The following ADAM12 variants were observed in gnomAD, a reference collection of about 807,000 sequenced individuals.
ADAM12 encodes ADAM metallopeptidase domain 12, also known as disintegrin and metalloproteinase domain-containing protein 12.
ADAM12 carries 70 observed loss-of-function variants against 106.4 expected under a neutral mutation model. The observed-to-expected ratio is 0.66, with a 90% CI of 0.54 to 0.80. The LOEUF is 0.80. Ranked by LOEUF, ADAM12 falls within the 30% of genes least tolerant of loss-of-function variation. The pLI is 0.00. For synonymous variants in ADAM12, 420 were observed against 433.5 expected (o/e 0.97, Z 0.39); for missense variants, 1,010 against 1,171.9 (o/e 0.86, Z 2.02).
At chr10:126,323,667 G>A (rs533868826) in intron 2 of ADAM12, among the ~76,000 whole-genome samples, 1 of 152,292 alleles carries the variant, frequency 6.6e-6, no homozygotes, top group Non-Finnish European at 1.5e-5. Flanking sequence ...GGCACAGGCT[G>A]GTTGGGAGAA....
At chr10:126,360,070 C>A (rs1855689433) in intron 1 of ADAM12, among the ~76,000 whole-genome samples, 1 of 152,166 alleles carries the variant, frequency 6.6e-6, no homozygotes, top group Non-Finnish European at 1.5e-5. Context: ...CACATTGGCA[C>A]CTTTTAGCCA....
intron 5 of ADAM12, among the ~76,000 whole-genome samples, chr10:126,119,562 A>G (rs1430961487): frequency 6.6e-6 from 1 of 152,250 alleles, no homozygotes; most frequent in Admixed American, 6.5e-5. Flanking sequence ...TCTGTGATAT[A>G]AAATATAGCA....
intron 3 of ADAM12, among the ~76,000 whole-genome samples, chr10:126,200,641 C>T (rs953071938): frequency 6.6e-6 from 1 of 152,138 alleles, no homozygotes; most frequent in Non-Finnish European, 1.5e-5. Context: ...AGCTCAGTTA[C>T]GGTGCCCAGT....
intron 2 of ADAM12, among the ~76,000 whole-genome samples, chr10:126,283,694 T>C (rs1225253323): frequency 6.6e-6 from 1 of 152,230 alleles, no homozygotes; most frequent in Non-Finnish European, 1.5e-5. Context: ...TTGTAGTTAT[T>C]TCTACATTCT....
At chr10:126,155,135 G>C (rs1956789932) in intron 4 of ADAM12, 92 bp downstream of exon 4, 1 of 1,374,090 alleles carries the variant, frequency 7.3e-7, no homozygotes, top group Admixed American at 1.8e-5. Flanking sequence ...AAGAATCTGG[G>C]CATGTGATTT....
In ADAM12 at chr10:126,332,419, G is replaced by A. The variant is rs114474050; in HGVS notation, c.89-1910C>T. Among the ~76,000 whole-genome samples, 993 of 152,276 alleles carry A rather than the reference G, an allele frequency of 6.5e-3. 8 individuals are homozygous for A. Among genetic ancestry groups the A allele is most frequent in the African/African-American group, 0.023 (939 of 41,566 alleles). On this transcript the variant is annotated intron_variant, in intron 1 of 22. Coordinates refer to ENST00000448723, the MANE Select transcript of ADAM12 (RefSeq NM_001288973.2). ...CATTCTTGTACTGGGAGAGAAAAACGATGAAAAGAAGACCATTTCAGAGAG... is the reference window on the plus strand; with the variant it reads ...CATTCTTGTACTGGGAGAGAAAAACAATGAAAAGAAGACCATTTCAGAGAG...
intron 3 of ADAM12, among the ~76,000 whole-genome samples, chr10:126,204,112 C>T (rs1957753409): frequency 6.6e-6 from 1 of 152,196 alleles, no homozygotes; most frequent in African/African-American, 2.4e-5. Context: ...CTATCTCCAG[C>T]CCCTGGTTCC....
rs766374527 is a variant in ADAM12 at position 126,066,684 on chromosome 10, C to G, written c.1413+33G>C. On this transcript the variant is annotated intron_variant, in intron 13 of 22. Coordinates refer to ENST00000448723, the MANE Select transcript of ADAM12 (RefSeq NM_001288973.2). This position sits in a 1 kb window ranked among gnomAD's most constrained non-coding sequence, Gnocchi z 5.1. ...CTGAACCACCTGAACCTGTTGGCGA[C>G]CTGGGGGTCAAGTTGTAGCTCCGGT... The G allele has an allele frequency of 6.2e-7, 1 of 1,607,046 alleles. No individual in the cohort carries two copies. The highest frequency in any genetic ancestry group is 1.7e-4 in the Middle Eastern group (1 of 6,034).
chr10:126,069,211 C>T (rs572583508), intron 12 of ADAM12, among the ~76,000 whole-genome samples: 88 of 152,256 alleles, frequency 5.8e-4, no homozygotes, highest in African/African-American at 2.0e-3. Context: ...CACTGCCAAA[C>T]ACAATTTGAG....
At chr10:126,194,278 CAAAAAAAAA>C (rs35778124) in intron 3 of ADAM12, among the ~76,000 whole-genome samples, 1 of 58,074 alleles carries the variant, frequency 1.7e-5, no homozygotes, top group African/African-American at 5.5e-5. Flanking sequence ...TTCATATGCT[CAAAAAAAAA>C]AAAAAAAAAA....
chr10:126,258,537 C>A (rs1214876054), intron 3 of ADAM12, among the ~76,000 whole-genome samples: 1 of 152,242 alleles, frequency 6.6e-6, no homozygotes, highest in African/African-American at 2.4e-5. Flanking sequence ...TACTTACCAA[C>A]CTTCAGTGGC....
At position 126,308,964 on chromosome 10, in the gene ADAM12, T is replaced by C. The variant is rs191338036; in HGVS notation, c.186+21448A>G. Among the ~76,000 whole-genome samples, 22 of 152,308 alleles carry C rather than the reference T, an allele frequency of 1.4e-4. 1 individual carries two copies. The highest frequency in any genetic ancestry group is 4.3e-4 in the African/African-American group (18 of 41,560). On this transcript the variant is annotated intron_variant, in intron 2 of 22. Transcript: ENST00000448723. ...ATGCATTTATACAACTGAGTAGATA[T>C]CTGCCATTTTTGCCTGCTTGCCTTC...
intron 9 of ADAM12, among the ~76,000 whole-genome samples, chr10:126,100,385 C>T (rs1955639463): frequency 1.3e-5 from 2 of 151,962 alleles, no homozygotes; most frequent in Non-Finnish European, 2.9e-5. Flanking sequence ...CATACATTTT[C>T]CACTAATAAT....
At chr10:126,082,883 C>T (rs116762209) in intron 11 of ADAM12, among the ~76,000 whole-genome samples, 216 of 152,330 alleles carry the variant, frequency 1.4e-3, no homozygotes, top group African/African-American at 5.0e-3. Context: ...ATTGCTTGGA[C>T]AAGCTGCTGA....
chr10:126,121,128 A>ATAGTATATATAGTATATATAGTATAT (rs1956089331), intron 5 of ADAM12, among the ~76,000 whole-genome samples: 1 of 55,806 alleles, frequency 1.8e-5, no homozygotes, highest in East Asian at 7.1e-4. Context: ...TATAGTATAT[A>ATAGTATATATAGTATATATAGTATAT]TACTATATAC....
chr10:126,326,274 G>A (rs1003481703), intron 2 of ADAM12, among the ~76,000 whole-genome samples: 2 of 151,928 alleles, frequency 1.3e-5, no homozygotes, highest in Non-Finnish European at 2.9e-5. Flanking sequence ...AACAACTGGA[G>A]GTTGAACACT....
At chr10:126,255,205 G>C (rs1356019013) in intron 3 of ADAM12, among the ~76,000 whole-genome samples, 1 of 152,216 alleles carries the variant, frequency 6.6e-6, no homozygotes, top group East Asian at 1.9e-4. Context: ...CTGATGTCAG[G>C]TGGTGATAAG....
At chr10:126,228,267 A>C (rs552862594) in intron 3 of ADAM12, among the ~76,000 whole-genome samples, 1 of 152,216 alleles carries the variant, frequency 6.6e-6, no homozygotes, top group Non-Finnish European at 1.5e-5. Flanking sequence ...AAGGCTTAAC[A>C]CTTGGAATGT....
At chr10:126,158,809 T>G (rs1349685901) in intron 3 of ADAM12, among the ~76,000 whole-genome samples, 7 of 66,270 alleles carry the variant, frequency 1.1e-4, no homozygotes, top group African/African-American at 2.6e-4. Context: ...CACAGCACGG[T>G]GGGGAGGATG....
Sources: allele counts gnomAD v4.1 joint callset (sites outside exome capture counted in the v4.1 genomes callset), GRCh38; gene constraint gnomAD v4.1.1; non-coding constraint Gnocchi (gnomAD v3.1); transcripts MANE v1.5; gene names NCBI Gene and HGNC (gene_info 2026-07-23, HGNC 2026-07-21).